The following SLC2A13 variants were observed in gnomAD, a reference collection of about 807,000 sequenced individuals.
SLC2A13 encodes proton myo-inositol cotransporter.
A neutral mutation model predicts 64.4 loss-of-function variants in SLC2A13; 32 were observed. The observed-to-expected ratio is 0.50, with a 90% CI of 0.37 to 0.67. The LOEUF is 0.67. Among genes scored for constraint, SLC2A13 ranks in the 30% least tolerant of loss-of-function variants. The pLI is 0.00. For missense variants in SLC2A13, 743 were observed against 829.2 expected, an observed-to-expected ratio of 0.90 and a Z score of 1.28; for synonymous variants, 338 against 327.1, an observed-to-expected ratio of 1.03 and a Z score of -0.36.
chr12:39,867,606 A>C (rs993714694), intron 5 of SLC2A13, among the ~76,000 whole-genome samples: 1 of 152,230 alleles, frequency 6.6e-6, no homozygotes, highest in Non-Finnish European at 1.5e-5. Flanking sequence ...CAACCTAAAA[A>C]TTATGAGAAA....
intron 4 of SLC2A13, among the ~76,000 whole-genome samples, chr12:39,941,855 A>C (rs1354741135): frequency 2.0e-5 from 3 of 152,182 alleles, no homozygotes; most frequent in Non-Finnish European, 4.4e-5. Context: ...TCTTGGGTTT[A>C]AGTCCTTAAT....
At chr12:39,818,043 C>T (rs1942387804) in intron 7 of SLC2A13, among the ~76,000 whole-genome samples, 1 of 152,182 alleles carries the variant, frequency 6.6e-6, no homozygotes, top group African/African-American at 2.4e-5. Flanking sequence ...AGCTCTTTAA[C>T]TTCTACAGAT....
intron 6 of SLC2A13, 30 bp downstream of exon 6, chr12:39,864,732 T>C (rs1329622725): frequency 6.2e-7 from 1 of 1,609,992 alleles, no homozygotes; most frequent in Non-Finnish European, 8.5e-7. Context: ...CAGAGTCATG[T>C]AAAGGAAGAA....
chr12:40,045,228 T>C (rs968141583), intron 2 of SLC2A13, among the ~76,000 whole-genome samples: 15 of 152,006 alleles, frequency 9.9e-5, no homozygotes, highest in African/African-American at 3.4e-4. Flanking sequence ...ATAAAACAAA[T>C]TTAAAATATT....
intron 4 of SLC2A13, among the ~76,000 whole-genome samples, chr12:39,941,301 C>T (rs1313609896): frequency 6.6e-6 from 1 of 152,096 alleles, no homozygotes; most frequent in African/African-American, 2.4e-5. Flanking sequence ...AGTGGGATTG[C>T]TGGATCAAAT....
At chr12:39,896,565 T>TATAC (rs1944917529) in intron 4 of SLC2A13, among the ~76,000 whole-genome samples, 1 of 106,774 alleles carries the variant, frequency 9.4e-6, no homozygotes, top group African/African-American at 3.2e-5. Context: ...TGTATACATA[T>TATAC]ATGTATGTAT....
chr12:40,041,569 T>G (rs1948091179), intron 2 of SLC2A13, among the ~76,000 whole-genome samples: 1 of 152,238 alleles, frequency 6.6e-6, no homozygotes, highest in South Asian at 2.1e-4. Flanking sequence ...ATTAGAGGCT[T>G]CAGGACAGGA....
intron 7 of SLC2A13, among the ~76,000 whole-genome samples, chr12:39,821,696 G>T (rs1942515305): frequency 6.6e-6 from 1 of 152,136 alleles, no homozygotes; most frequent in African/African-American, 2.4e-5. Flanking sequence ...GCAAATCCTT[G>T]TTTAAAACTC....
intron 1 of SLC2A13, among the ~76,000 whole-genome samples, chr12:40,063,569 T>C (rs2136256490): frequency 6.6e-6 from 1 of 151,814 alleles, no homozygotes; most frequent in Non-Finnish European, 1.5e-5. Context: ...AGTCAATGCA[T>C]CAAAACCCTT....
At chr12:39,969,122 C>T (rs1377330501) in intron 3 of SLC2A13, among the ~76,000 whole-genome samples, 1 of 152,176 alleles carries the variant, frequency 6.6e-6, no homozygotes, top group Non-Finnish European at 1.5e-5. Context: ...CTACAAAGGA[C>T]ATGAACTCAT....
At chr12:39,860,908 A>G (rs1035678478) in intron 6 of SLC2A13, among the ~76,000 whole-genome samples, 2 of 152,130 alleles carry the variant, frequency 1.3e-5, no homozygotes, top group African/African-American at 4.8e-5. Flanking sequence ...AGAATTCAAA[A>G]TGTGGTCAAG....
At chr12:40,098,409 T>A (rs1399548984) in intron 1 of SLC2A13, among the ~76,000 whole-genome samples, 1 of 152,232 alleles carries the variant, frequency 6.6e-6, no homozygotes, top group African/African-American at 2.4e-5. Context: ...GTTCTAGAGA[T>A]GTGTTGTGCA....
At chr12:40,016,241 T>C (rs1947619100) in intron 3 of SLC2A13, among the ~76,000 whole-genome samples, 1 of 152,142 alleles carries the variant, frequency 6.6e-6, no homozygotes, top group Non-Finnish European at 1.5e-5. Context: ...CACAGGACCA[T>C]TATTAAGCTT....
chr12:39,862,390 T>G (rs1943786200), intron 6 of SLC2A13, among the ~76,000 whole-genome samples: 1 of 152,238 alleles, frequency 6.6e-6, no homozygotes, highest in Non-Finnish European at 1.5e-5. Flanking sequence ...TACTCATCAC[T>G]GTGGTCTATA....
chr12:39,845,122 A>G (rs1223167165), intron 6 of SLC2A13, among the ~76,000 whole-genome samples: 1 of 152,110 alleles, frequency 6.6e-6, no homozygotes, highest in Admixed American at 6.5e-5. Flanking sequence ...AATATCTAGT[A>G]TCTGCATTCT....
intron 4 of SLC2A13, among the ~76,000 whole-genome samples, chr12:39,941,347 C>T (rs185902156): frequency 2.0e-5 from 3 of 152,284 alleles, no homozygotes; most frequent in Admixed American, 6.5e-5. Context: ...GGAATCTCCA[C>T]GCTGTTTTCC....
intron 6 of SLC2A13, among the ~76,000 whole-genome samples, chr12:39,833,312 A>T (rs972945577): frequency 1.3e-5 from 2 of 151,988 alleles, no homozygotes; most frequent in African/African-American, 4.8e-5. Flanking sequence ...AATCTAGAAC[A>T]CCTATATAGA....
intron 7 of SLC2A13, among the ~76,000 whole-genome samples, chr12:39,783,866 C>T (rs1020620696): frequency 6.6e-6 from 1 of 152,176 alleles, no homozygotes; most frequent in African/African-American, 2.4e-5. Flanking sequence ...TGATAAGCAA[C>T]TTCAGAAAAG....
At chr12:39,843,107 G>A (rs138860717) in intron 6 of SLC2A13, among the ~76,000 whole-genome samples, 11 of 152,012 alleles carry the variant, frequency 7.2e-5, no homozygotes, top group East Asian at 1.9e-4. Context: ...GAGTAGATAC[G>A]TGCTTTCAGT....
Sources: allele counts gnomAD v4.1 joint callset (sites outside exome capture counted in the v4.1 genomes callset), GRCh38; gene constraint gnomAD v4.1.1; transcripts MANE v1.5; gene names NCBI Gene and HGNC (gene_info 2026-07-23, HGNC 2026-07-21).